The following DCC variants were observed in gnomAD, a reference collection of about 807,000 sequenced individuals.
DCC encodes netrin receptor DCC.
DCC carries 58 observed loss-of-function variants against 172.5 expected under a neutral mutation model. The observed-to-expected ratio is 0.34, with a 90% CI of 0.27 to 0.42. The LOEUF (loss-of-function observed/expected upper bound fraction) is 0.42. DCC is among the 10% of genes least tolerant of loss of function. The pLI is 1.00. For synonymous variants in DCC, 709 were observed against 644.5 expected, an observed-to-expected ratio of 1.10 and a Z score of -1.52; for missense variants, 1,740 against 1,791.0, an observed-to-expected ratio of 0.97 and a Z score of 0.51.
intron 12 of DCC, among the ~76,000 whole-genome samples, chr18:53,262,409 T>C (rs1184139692): frequency 6.6e-6 from 1 of 152,230 alleles, no homozygotes; most frequent in Non-Finnish European, 1.5e-5. Flanking sequence ...TTGGTGTAGA[T>C]AAAATGAGTT....
intron 2 of DCC, among the ~76,000 whole-genome samples, chr18:52,858,540 C>G (rs1211438071): frequency 6.6e-6 from 1 of 152,182 alleles, no homozygotes; most frequent in African/African-American, 2.4e-5. Context: ...GCTTTCCTAG[C>G]TCCTTTTTTG....
intron 13 of DCC, among the ~76,000 whole-genome samples, chr18:53,319,108 G>A (rs984008887): frequency 9.9e-5 from 15 of 152,058 alleles, no homozygotes; most frequent in African/African-American, 3.6e-4. Flanking sequence ...AGCTCCTGAA[G>A]GAAGCACTAA....
At chr18:53,454,491 G>GA (rs1157420466) in intron 23 of DCC, among the ~76,000 whole-genome samples, 1 of 152,208 alleles carries the variant, frequency 6.6e-6, no homozygotes, top group Non-Finnish European at 1.5e-5. Context: ...AAAAATATAT[G>GA]AAATTGAGCA....
chr18:52,865,984 G>A (rs1429630997), intron 2 of DCC, among the ~76,000 whole-genome samples: 1 of 151,964 alleles, frequency 6.6e-6, no homozygotes, highest in African/African-American at 2.4e-5. Flanking sequence ...TGTCCTGAAT[G>A]GTATTGCCTG....
rs1466391707 is a variant in DCC at position 53,351,357 on chromosome 18, T to TATATATAC, written c.2359+11457_2359+11458insCATATATA. 3.3e-4 allele frequency among the ~76,000 whole-genome samples: 28 copies of TATATATAC among 85,210 alleles called. 1 individual carries two copies. The highest frequency in any genetic ancestry group is 5.4e-4 in the Admixed American group (4 of 7,464). The allele number at this position is 85,210 out of a possible 152,430, so 55.9% of individuals were successfully genotyped here. On this transcript the variant is annotated intron_variant, in intron 15 of 28. Coordinates refer to ENST00000442544, the MANE Select transcript of DCC (RefSeq NM_005215.4). ...ACAGTGTATATATATATACACAGTA[T>TATATATAC]ATATATATACTGTATATATATATAC...
chr18:52,393,256 G>T (rs1986097609), intron 1 of DCC, among the ~76,000 whole-genome samples: 1 of 152,052 alleles, frequency 6.6e-6, no homozygotes, highest in Non-Finnish European at 1.5e-5. Context: ...AATGATTTCT[G>T]ACTTGGACCA....
intron 12 of DCC, among the ~76,000 whole-genome samples, chr18:53,226,479 A>G (rs2056029520): frequency 6.6e-6 from 1 of 152,192 alleles, no homozygotes; most frequent in Admixed American, 6.5e-5. Context: ...TAAAAAGCAC[A>G]TCAGCGGGAC....
chr18:52,764,714 T>A (rs1262194151), intron 2 of DCC, among the ~76,000 whole-genome samples: 2 of 151,906 alleles, frequency 1.3e-5, no homozygotes. Flanking sequence ...CAAATGAACG[T>A]TTTTTCTTTA....
chr18:53,220,108 G>C (rs2055909195), intron 12 of DCC, among the ~76,000 whole-genome samples: 1 of 152,150 alleles, frequency 6.6e-6, no homozygotes, highest in African/African-American at 2.4e-5. Flanking sequence ...AGTGGGAAGG[G>C]AGGAGATGGG....
At chr18:52,823,089 A>G (rs934556611) in intron 2 of DCC, among the ~76,000 whole-genome samples, 2 of 152,208 alleles carry the variant, frequency 1.3e-5, no homozygotes, top group African/African-American at 2.4e-5. Context: ...CTGTATTCTC[A>G]GGCTATTCCA....
At chr18:53,313,965 A>G (rs2057314632) in intron 13 of DCC, among the ~76,000 whole-genome samples, 1 of 152,202 alleles carries the variant, frequency 6.6e-6, no homozygotes, top group Admixed American at 6.5e-5. Flanking sequence ...CAAGAAAGTA[A>G]CCTGGAAATC....
intron 1 of DCC, among the ~76,000 whole-genome samples, chr18:52,709,724 G>T (rs2036264375): frequency 6.6e-6 from 1 of 152,144 alleles, no homozygotes; most frequent in African/African-American, 2.4e-5. Flanking sequence ...TCATTATGCA[G>T]CAAAATTACT....
intron 2 of DCC, among the ~76,000 whole-genome samples, chr18:52,860,159 GT>G (rs2039117431): frequency 6.6e-6 from 1 of 152,190 alleles, no homozygotes; most frequent in South Asian, 2.1e-4. Context: ...CTGTAGATTT[GT>G]TTTTCTAGAG....
chr18:53,334,717 A>G (rs921284426), intron 14 of DCC, among the ~76,000 whole-genome samples: 9 of 152,186 alleles, frequency 5.9e-5, no homozygotes, highest in African/African-American at 2.2e-4. Flanking sequence ...CATTTACCAT[A>G]TCATTGCCAA....
intron 1 of DCC, among the ~76,000 whole-genome samples, chr18:52,673,315 TC>T (rs1190521383): frequency 1.3e-5 from 2 of 152,196 alleles, no homozygotes; most frequent in East Asian, 3.9e-4. Flanking sequence ...TTGTCATGTT[TC>T]CTTAGTCTCA....
chr18:53,299,514 G>A (rs1007258199), intron 12 of DCC, among the ~76,000 whole-genome samples: 5 of 152,140 alleles, frequency 3.3e-5, no homozygotes, highest in African/African-American at 4.8e-5. Flanking sequence ...CACACTTGAA[G>A]GATGAGTTCC....
intron 7 of DCC, among the ~76,000 whole-genome samples, chr18:53,154,748 C>A (rs1484472849): frequency 6.6e-6 from 1 of 152,048 alleles, no homozygotes; most frequent in Non-Finnish European, 1.5e-5. Context: ...TTCGGGTTTC[C>A]AGGCTGCACA....
intron 12 of DCC, among the ~76,000 whole-genome samples, chr18:53,291,942 C>T (rs369558588): frequency 2.0e-5 from 3 of 152,132 alleles, no homozygotes; most frequent in East Asian, 1.9e-4. Flanking sequence ...CTAGAAATTA[C>T]ATTTCCAGTT....
intron 2 of DCC, among the ~76,000 whole-genome samples, chr18:52,886,902 C>T (rs546013776): frequency 1.3e-5 from 2 of 151,970 alleles, no homozygotes; most frequent in African/African-American, 4.8e-5. Flanking sequence ...AATTATTTTG[C>T]TTAGCTGTTT....
Sources: gnomAD v4.1 joint callset for allele counts (sites outside exome capture counted in the v4.1 genomes callset) on GRCh38, gnomAD v4.1.1 for gene constraint, MANE v1.5 for transcripts, NCBI Gene and HGNC (gene_info 2026-07-23, HGNC 2026-07-21) for gene names.